The following EFCAB6 variants were observed in gnomAD, a reference collection of about 807,000 sequenced individuals.
EFCAB6 encodes EF-hand calcium binding domain 6, also known as EF-hand calcium-binding domain-containing protein 6.
In EFCAB6, 156 loss-of-function variants were observed where a neutral mutation model predicts 169.8. The ratio of observed to expected loss-of-function variants is 0.92; its 90% CI spans 0.81 to 1.05. The LOEUF is 1.05. Ranked by LOEUF, EFCAB6 falls within the 50% of genes least tolerant of loss-of-function variation. The pLI, the probability that EFCAB6 is intolerant of heterozygous loss-of-function variation, is 0.00. For synonymous variants in EFCAB6, 698 were observed against 676.4 expected, an observed-to-expected ratio of 1.03 and a Z score of -0.50; for missense variants, 1,800 against 1,829.1, an observed-to-expected ratio of 0.98 and a Z score of 0.29.
intron 17 of EFCAB6, among the ~76,000 whole-genome samples, chr22:43,650,270 T>C (rs748286601): frequency 1.3e-5 from 2 of 152,158 alleles, no homozygotes; most frequent in South Asian, 2.1e-4. Context: ...AATTGAATCA[T>C]GGGAGGAAGT....
intron 20 of EFCAB6, among the ~76,000 whole-genome samples, chr22:43,622,929 G>A (rs531762587): frequency 3.3e-5 from 5 of 152,330 alleles, no homozygotes; most frequent in African/African-American, 1.2e-4. Context: ...TCGGGGTGTT[G>A]TGTTAGATTT....
At chr22:43,667,312 A>AGAT in intron 16 of EFCAB6, 40 bp from the exon 17 acceptor site, 1 of 1,602,452 alleles carries the variant, frequency 6.2e-7, no homozygotes, top group Non-Finnish European at 8.5e-7. Flanking sequence ...GTGTCAACTG[A>AGAT]CACACGCAGG....
chr22:43,775,091 TA>T (rs2061596685), intron 3 of EFCAB6, among the ~76,000 whole-genome samples: 1 of 151,634 alleles, frequency 6.6e-6, no homozygotes, highest in South Asian at 2.1e-4. Flanking sequence ...TTCACATGAA[TA>T]AAAGAAAGGT....
intron 10 of EFCAB6, among the ~76,000 whole-genome samples, chr22:43,705,657 G>T (rs1301842644): frequency 1.3e-5 from 2 of 151,964 alleles, no homozygotes; most frequent in Non-Finnish European, 2.9e-5. Flanking sequence ...AAACAATAAA[G>T]AAATTAAAGT....
intron 6 of EFCAB6, among the ~76,000 whole-genome samples, chr22:43,740,526 T>C (rs1169171705): frequency 6.6e-6 from 1 of 152,216 alleles, no homozygotes; most frequent in Non-Finnish European, 1.5e-5. Flanking sequence ...GTCAATGTCA[T>C]GATGATTACA....
At chr22:43,535,031 C>A (rs531796305) in intron 29 of EFCAB6, 159 bp from the exon 30 acceptor site, 11 of 714,188 alleles carry the variant, frequency 1.5e-5, no homozygotes, top group African/African-American at 1.1e-4. Context: ...TATGTGGAGA[C>A]AGACATGTGA....
At chr22:43,736,694 T>C (rs1411174154) in intron 6 of EFCAB6, among the ~76,000 whole-genome samples, 4 of 152,138 alleles carry the variant, frequency 2.6e-5, no homozygotes, top group Non-Finnish European at 5.9e-5. Context: ...CACCCAGTTG[T>C]GCTCTTGGCC....
intron 24 of EFCAB6, among the ~76,000 whole-genome samples, chr22:43,586,611 T>C (rs1569203303): frequency 6.6e-6 from 1 of 152,064 alleles, no homozygotes; most frequent in Non-Finnish European, 1.5e-5. Flanking sequence ...TAAAAGTGTA[T>C]GAGAATAAGA....
chr22:43,535,214 A>AG (rs2047314798), intron 29 of EFCAB6: 1 of 214,828 alleles, frequency 4.7e-6, no homozygotes, highest in Non-Finnish European at 9.1e-6. Flanking sequence ...TGTGAGGAGC[A>AG]GGGGAAGGTT....
At chr22:43,779,567 C>T (rs1007231994) in intron 3 of EFCAB6, among the ~76,000 whole-genome samples, 1 of 152,150 alleles carries the variant, frequency 6.6e-6, no homozygotes, top group Non-Finnish European at 1.5e-5. Flanking sequence ...TGGTGAAACA[C>T]CATTTCTACT....
chr22:43,604,056 C>CTCCCTTTTTTTTTCCT (rs2052730955), intron 22 of EFCAB6, among the ~76,000 whole-genome samples: 1 of 152,080 alleles, frequency 6.6e-6, no homozygotes, highest in African/African-American at 2.4e-5. Context: ...GAAGCGCTGG[C>CTCCCTTTTTTTTTCCT]TCCCTTTTTT....
At chr22:43,661,228 A>G (rs975547787) in intron 17 of EFCAB6, among the ~76,000 whole-genome samples, 2 of 152,022 alleles carry the variant, frequency 1.3e-5, no homozygotes, top group Non-Finnish European at 2.9e-5. Context: ...ATTTTTAAAA[A>G]TTATTCAGGC....
chr22:43,567,280 C>T (rs2049508030), intron 26 of EFCAB6, among the ~76,000 whole-genome samples: 1 of 152,098 alleles, frequency 6.6e-6, no homozygotes, highest in South Asian at 2.1e-4. Flanking sequence ...AATTGCCATA[C>T]AATGCAAAGA....
At chr22:43,776,500 A>G (rs1480211208) in intron 3 of EFCAB6, among the ~76,000 whole-genome samples, 1 of 152,226 alleles carries the variant, frequency 6.6e-6, no homozygotes, top group Admixed American at 6.5e-5. Context: ...GGCAGAGTGC[A>G]GCTGGGGGCT....
Position 43,687,533 on chromosome 22 carries a change from T to G in EFCAB6, c.1080A>C (p.Thr360=), listed in dbSNP as rs889717669. The change falls in exon 11 of 32, where the codon ACA becomes ACC. Residue 360 remains threonine, a synonymous_variant. Transcript: ENST00000262726. ...GCAACCCCTGAGGCTCATGAAATGATGTTAGAAATTGCTTCCAATTGATTT... is the reference window on the plus strand; with the variant it reads ...GCAACCCCTGAGGCTCATGAAATGAGGTTAGAAATTGCTTCCAATTGATTT... ...TTKINWKQFL[T]SFHEPQGLQV... 3.1e-6 allele frequency: 5 copies of G among 1,606,944 alleles called. No individual in the cohort carries two copies. Among genetic ancestry groups the G allele is most frequent in the Admixed American group, 3.4e-5 (2 of 59,208 alleles).
intron 2 of EFCAB6, among the ~76,000 whole-genome samples, chr22:43,804,404 A>C (rs929057534): frequency 4.6e-5 from 7 of 152,196 alleles, no homozygotes; most frequent in Non-Finnish European, 8.8e-5. Context: ...CTAATGATGC[A>C]CTTCAAGGAG....
At chr22:43,635,640 G>A (rs1244480523) in intron 17 of EFCAB6, among the ~76,000 whole-genome samples, 1 of 152,166 alleles carries the variant, frequency 6.6e-6, no homozygotes, top group Non-Finnish European at 1.5e-5. Context: ...TTTCATTCAA[G>A]TTTCATTATG....
intron 3 of EFCAB6, among the ~76,000 whole-genome samples, chr22:43,773,825 C>A (rs1003600791): frequency 2.6e-5 from 4 of 152,102 alleles, no homozygotes; most frequent in Admixed American, 1.3e-4. Context: ...CCAGCCTGGG[C>A]AACAAGAGTG....
chr22:43,724,430 C>T (rs977853182), intron 8 of EFCAB6, among the ~76,000 whole-genome samples: 8 of 148,418 alleles, frequency 5.4e-5, no homozygotes, highest in Non-Finnish European at 8.9e-5. Flanking sequence ...TGCAGTGACA[C>T]GATCTTGGCT....
Sources: allele counts gnomAD v4.1 joint callset (sites outside exome capture counted in the v4.1 genomes callset), GRCh38; gene constraint gnomAD v4.1.1; transcripts MANE v1.5; gene names NCBI Gene and HGNC (gene_info 2026-07-23, HGNC 2026-07-21).